MCTP2: variants seen among roughly 807,000 people sequenced by gnomAD.
MCTP2 encodes the protein multiple C2 and transmembrane domain-containing protein 2.
Under a neutral mutation model 111.6 loss-of-function variants are expected in MCTP2, and 132 were observed. The observed-to-expected ratio is 1.18, with a 90% CI of 1.03 to 1.37. MCTP2 has a LOEUF of 1.37. Ranked by LOEUF, MCTP2 falls within the 40% of genes most tolerant of loss-of-function variation. The pLI is 0.00. For synonymous variants in MCTP2, 395 were observed against 387.7 expected (o/e 1.02, Z -0.22); for missense variants, 1,183 against 1,067.9 (o/e 1.11, Z -1.50).
At chr15:94,274,223 A>G (rs778735232) in intron 1 of MCTP2, among the ~76,000 whole-genome samples, 6 of 152,256 alleles carry the variant, frequency 3.9e-5, no homozygotes, top group Non-Finnish European at 7.3e-5. Context: ...ACTGAATGGT[A>G]ATGAAAATGT....
At chr15:94,307,304 G>T (rs1449127120) in intron 2 of MCTP2, among the ~76,000 whole-genome samples, 1 of 152,170 alleles carries the variant, frequency 6.6e-6, no homozygotes, top group African/African-American at 2.4e-5. Context: ...GTACAGAGTG[G>T]TCAGGAAGGA....
chr15:94,345,811 A>G (rs1340608760), intron 8 of MCTP2, among the ~76,000 whole-genome samples: 1 of 152,252 alleles, frequency 6.6e-6, no homozygotes, highest in Non-Finnish European at 1.5e-5. Context: ...AAGTATTTGT[A>G]ACTTAATTTA....
intron 20 of MCTP2, among the ~76,000 whole-genome samples, chr15:94,462,941 G>C (rs11074279): frequency 0.72 from 110,243 of 152,072 alleles, 40,234 homozygotes; most frequent in Middle Eastern, 0.9. Context: ...CTTTCTTCTT[G>C]TGTGTCTTAA....
chr15:94,303,915 C>G (rs967594460), intron 2 of MCTP2, among the ~76,000 whole-genome samples: 3 of 152,024 alleles, frequency 2.0e-5, no homozygotes, highest in Admixed American at 2.0e-4. Context: ...CTGGAGAAAT[C>G]TGTAGAGAGA....
intron 2 of MCTP2, among the ~76,000 whole-genome samples, chr15:94,311,825 G>A (rs1223193092): frequency 6.6e-6 from 1 of 152,158 alleles, no homozygotes; most frequent in Non-Finnish European, 1.5e-5. Context: ...TGGTGGTTAG[G>A]TGGATTAATT....
At chr15:94,410,043 A>C (rs1413867610) in intron 17 of MCTP2, among the ~76,000 whole-genome samples, 2 of 152,136 alleles carry the variant, frequency 1.3e-5, no homozygotes, top group Non-Finnish European at 2.9e-5. Flanking sequence ...AGCATATCAT[A>C]AGAAAAAATG....
chr15:94,402,469 A>G (rs146859566), intron 17 of MCTP2: 15,526 of 1,551,620 alleles, frequency 0.01, 92 homozygotes, highest in Non-Finnish European at 0.012. Context: ...ATCATTACAC[A>G]TTGCAATTTC....
chr15:94,290,399 TC>T (rs1367566205), intron 1 of MCTP2, among the ~76,000 whole-genome samples: 2 of 152,084 alleles, frequency 1.3e-5, no homozygotes, highest in Admixed American at 1.3e-4. Context: ...CCTAGAATAA[TC>T]ACTGAAAGTT....
At chr15:94,373,315 A>G (rs2079584122) in intron 12 of MCTP2, among the ~76,000 whole-genome samples, 2 of 152,220 alleles carry the variant, frequency 1.3e-5, no homozygotes, top group Non-Finnish European at 2.9e-5. Flanking sequence ...ATTTTAGAAC[A>G]TTAGAATAAA....
intron 1 of MCTP2, among the ~76,000 whole-genome samples, chr15:94,271,227 A>T (rs1420270517): frequency 6.6e-6 from 1 of 152,192 alleles, no homozygotes. Context: ...CTCCCCATCT[A>T]AACAATTTTG....
intron 1 of MCTP2, among the ~76,000 whole-genome samples, chr15:94,255,833 A>G (rs1212056920): frequency 6.6e-6 from 1 of 152,238 alleles, no homozygotes; most frequent in Non-Finnish European, 1.5e-5. Flanking sequence ...AAATCATTCA[A>G]CAGTAGGGAG....
At chr15:94,464,267 ATAT>A (rs1567765151) in intron 20 of MCTP2, among the ~76,000 whole-genome samples, 2,078 of 70,104 alleles carry the variant, frequency 0.03, 115 homozygotes, top group Middle Eastern at 0.049. Flanking sequence ...TTATATATAT[ATAT>A]ATATATATAA....
chr15:94,328,552 G>T (rs1427502970), intron 4 of MCTP2, among the ~76,000 whole-genome samples: 1 of 152,192 alleles, frequency 6.6e-6, no homozygotes, highest in African/African-American at 2.4e-5. Context: ...GTTGATGTGT[G>T]TTGTGTATTC....
At position 94,259,342 on chromosome 15, in the gene MCTP2, A is replaced by T. The variant is rs146405137; in HGVS notation, c.-66+27678A>T. ...ACCTGGGGCAGAGTGGTGATCAGGAAGGGGAAATTGATGTTCTCCTCCTAT... is the reference window on the plus strand; with the variant it reads ...ACCTGGGGCAGAGTGGTGATCAGGATGGGGAAATTGATGTTCTCCTCCTAT... On this transcript the variant is annotated intron_variant, in intron 1 of 22. Transcript: ENST00000357742. Among the ~76,000 whole-genome samples, 1,349 of 152,332 alleles carry T rather than the reference A, an allele frequency of 8.9e-3. 8 individuals carry two copies. The highest frequency in any genetic ancestry group is 0.016 in the Non-Finnish European group (1,060 of 68,010).
intron 8 of MCTP2, among the ~76,000 whole-genome samples, chr15:94,354,814 T>G (rs1339513461): frequency 1.3e-5 from 2 of 152,220 alleles, no homozygotes; most frequent in African/African-American, 2.4e-5. Context: ...ATGACTATGG[T>G]ACTGACATAC....
chr15:94,350,832 A>C (rs2078262950), intron 8 of MCTP2, among the ~76,000 whole-genome samples: 1 of 152,234 alleles, frequency 6.6e-6, no homozygotes, highest in South Asian at 2.1e-4. Flanking sequence ...GGCAAAAAGA[A>C]AATCTTGTTG....
rs1045504814 is a variant in MCTP2, at chr15:94,281,725, A to T, written c.-65-16476A>T. Among the ~76,000 whole-genome samples the T allele has an allele frequency of 2.1e-4, 32 of 152,088 alleles. 1 individual carries two copies. The highest frequency in any genetic ancestry group is 1.5e-5 in the Non-Finnish European group (1 of 67,994). On this transcript the variant is annotated intron_variant, in intron 1 of 22. Transcript: ENST00000357742. ...TTTCATTTCCATGTTTAGCATTCCCATAAGGACCTCTTATAAGGCTGGTCT... is the reference window on the plus strand; with the variant it reads ...TTTCATTTCCATGTTTAGCATTCCCTTAAGGACCTCTTATAAGGCTGGTCT...
chr15:94,402,646 T>C, intron 17 of MCTP2: 1 of 1,542,646 alleles, frequency 6.5e-7, no homozygotes, highest in Non-Finnish European at 8.7e-7. Flanking sequence ...TTGGAAGGAC[T>C]TCACAGCTGG....
intron 4 of MCTP2, among the ~76,000 whole-genome samples, chr15:94,327,676 T>C (rs2076942811): frequency 6.6e-6 from 1 of 152,230 alleles, no homozygotes; most frequent in South Asian, 2.1e-4. Context: ...CTTCACTCTT[T>C]GAGTTTTGGT....
Sources: gnomAD v4.1 joint callset for allele counts (sites outside exome capture counted in the v4.1 genomes callset) on GRCh38, gnomAD v4.1.1 for gene constraint, MANE v1.5 for transcripts, NCBI Gene and HGNC (gene_info 2026-07-23, HGNC 2026-07-21) for gene names.